The following CAND2 variants were observed in gnomAD, a reference collection of about 807,000 sequenced individuals.
CAND2 encodes cullin associated and neddylation dissociated 2 (putative), also known as cullin-associated NEDD8-dissociated protein 2.
Under a neutral mutation model 98.9 loss-of-function variants are expected in CAND2, and 62 were observed. The observed-to-expected ratio is 0.63, with a 90% CI of 0.51 to 0.77. CAND2 has a LOEUF of 0.77. Ranked by LOEUF, CAND2 falls within the 30% of genes least tolerant of loss-of-function variation. The probability of loss-of-function intolerance (pLI) is 0.00; values close to 1 mark genes in which losing one functional copy is unlikely to be tolerated. For missense variants in CAND2, 1,501 were observed against 1,655.2 expected, an observed-to-expected ratio of 0.91 and a Z score of 1.62; for synonymous variants, 770 against 731.9, an observed-to-expected ratio of 1.05 and a Z score of -0.84.
chr3:12,805,287 T>C (rs1301945522), intron 2 of CAND2, among the ~76,000 whole-genome samples: 4 of 150,866 alleles, frequency 2.7e-5, no homozygotes, highest in East Asian at 3.9e-4. Flanking sequence ...CTTTTTTTTT[T>C]CTTCTTTTTT....
At chr3:12,828,952 C>T (rs1171493714) in intron 13 of CAND2, among the ~76,000 whole-genome samples, 1 of 152,180 alleles carries the variant, frequency 6.6e-6, no homozygotes, top group Non-Finnish European at 1.5e-5. Context: ...ATTCATCCAT[C>T]GCTGGACAAA....
At chr3:12,831,720 T>C in intron 14 of CAND2, 148 bp downstream of exon 14, 1 of 596,114 alleles carries the variant, frequency 1.7e-6, no homozygotes, top group Non-Finnish European at 3.0e-6. Flanking sequence ...CCCTATAAAG[T>C]ACCTCTTATT....
intron 13 of CAND2, among the ~76,000 whole-genome samples, chr3:12,830,797 T>G (rs899800449): frequency 6.6e-6 from 1 of 152,156 alleles, no homozygotes; most frequent in Non-Finnish European, 1.5e-5. Context: ...GCTCCTGAAG[T>G]CCAGCACCGC....
chr3:12,813,019 G>T lies in CAND2; in HGVS notation c.787G>T (p.Val263Leu), dbSNP rs1033283620. 1.3e-6 allele frequency: 2 copies of T among 1,580,844 alleles called. No homozygotes were observed. Among genetic ancestry groups the T allele is most frequent in the African/African-American group, 2.7e-5 (2 of 74,692 alleles). ...GAHLDRLVPL[V>L]EDFCNLDDDE... Reference sequence around the variant, plus strand: ...TCACCTGGACCGCCTGGTGCCCCTGGTGGAGGATTTCTGCAACCTGGATGA... The same window carrying T: ...TCACCTGGACCGCCTGGTGCCCCTGTTGGAGGATTTCTGCAACCTGGATGA... Residue 263 changes from valine to leucine, a missense_variant, in exon 6 of 15, where the codon GTG becomes TTG. By Grantham distance (32) the Val-to-Leu change is conservative (BLOSUM62 1). This residue lies in a region of CAND2 where 1,427 missense variants were observed against 1,545.3 expected (regional missense o/e 0.92). Transcript: ENST00000456430.
chr3:12,832,172 C>CT (rs1479081467), intron 14 of CAND2: 2 of 152,192 alleles, frequency 1.3e-5, no homozygotes, highest in African/African-American at 4.8e-5. Context: ...TAGGTTGGCA[C>CT]TTAAAGAGGA....
In CAND2 at chr3:12,825,580, G is replaced by A; in HGVS notation, c.3151G>A (p.Asp1051Asn). The A allele has an allele frequency of 1.2e-6, 2 of 1,611,230 alleles. No individual in the cohort carries two copies. Among genetic ancestry groups the A allele is most frequent in the Non-Finnish European group, 1.7e-6 (2 of 1,178,944 alleles). Residue 1051 changes from aspartate (D) to asparagine (N), a missense_variant, in exon 12 of 15, where the codon GAT (aspartate) becomes AAT (asparagine). By Grantham distance (23) the Asp-to-Asn change is conservative. Coordinates refer to ENST00000456430, the MANE Select transcript of CAND2 (RefSeq NM_001162499.2). ...NKPSLVRDLL[D>N]DILPLLYQET... is the part of the protein sequence containing the mutation. ...GCCCTCGCTAGTCCGGGACCTGCTG[G>A]ATGACATCCTGCCCCTCCTCTACCA...
At chr3:12,825,212 T>C (rs2061989502) in intron 11 of CAND2, among the ~76,000 whole-genome samples, 1 of 152,052 alleles carries the variant, frequency 6.6e-6, no homozygotes, top group Admixed American at 6.6e-5. Flanking sequence ...ATTTTACAGA[T>C]GAGGACATTG....
chr3:12,825,314 G>T (rs890872380), intron 11 of CAND2, among the ~76,000 whole-genome samples, 156 bp from the exon 12 acceptor site: 2 of 152,104 alleles, frequency 1.3e-5, no homozygotes, highest in African/African-American at 4.8e-5. Flanking sequence ...TTGAAGGGTT[G>T]TTTGTGCCTG....
rs1430331171 is a variant in CAND2, at chr3:12,815,297, G to A, written c.1163G>A (p.Arg388His). ...APVLIRRFKE[R>H]EENVKADVFT... ...GTGCTCATCCGCCGCTTCAAAGAAC[G>A]CGAGGAGAACGTCAAGGCTGACGTC... Residue 388 changes from arginine (R) to histidine (H), a missense_variant, in exon 8 of 15, where the codon CGC becomes CAC. Physicochemically the swap from Arg to His is conservative, Grantham distance 29 (BLOSUM62 0). Transcript: ENST00000456430. The surrounding 1 kb of genome is among the most constrained non-coding windows in gnomAD (Gnocchi z 5.7). 19 of 1,613,858 alleles carry A rather than the reference G, an allele frequency of 1.2e-5. No homozygotes were observed. Among genetic ancestry groups the A allele is most frequent in the Non-Finnish European group, 1.4e-5 (17 of 1,180,048 alleles).
rs756563890 is a variant in CAND2, at chr3:12,820,100, C to T, written c.2959C>T (p.Arg987Trp). The change falls in exon 11 of 15, where the codon CGG (arginine) becomes TGG (tryptophan). Residue 987 changes from arginine (R) to tryptophan (W), a missense_variant. By Grantham distance (101) the Arg-to-Trp change is moderately radical. Coordinates refer to ENST00000456430, the MANE Select transcript of CAND2 (RefSeq NM_001162499.2). ...TTGTCCTGCAGGTCGGCCACACACC[C>T]GGAGCACCGTCATCACAGCGGTCAA... ...KQLAAGRPHT[R>W]STVITAVKFL... The T allele has an allele frequency of 2.8e-5, 45 of 1,614,026 alleles. No homozygotes were observed. Among genetic ancestry groups the T allele is most frequent in the Non-Finnish European group, 1.8e-5 (21 of 1,179,996 alleles).
chr3:12,802,284 G>T (rs192989647), intron 1 of CAND2, among the ~76,000 whole-genome samples: 5 of 152,324 alleles, frequency 3.3e-5, no homozygotes, highest in Admixed American at 3.3e-4. Context: ...CTGAGATCGT[G>T]CCACTGCACT....
In CAND2 at chr3:12,834,000, T is replaced by A. The variant is rs1192329996; in HGVS notation, c.*18T>A. On this transcript the variant is annotated 3_prime_UTR_variant, in exon 15 of 15. Transcript: ENST00000456430. ...TCAGCTAGTCCCCTCAGCACCAAGG[T>A]GGGCCCTCGCTTAAGAGAAAGGAGC... The A allele has an allele frequency of 3.7e-5, 60 of 1,605,828 alleles. No homozygotes were observed. The highest frequency in any genetic ancestry group is 5.0e-5 in the Non-Finnish European group (59 of 1,172,866).
chr3:12,816,263 T>G, intron 9 of CAND2, 111 bp from the exon 10 acceptor site: 1 of 1,107,388 alleles, frequency 9.0e-7, no homozygotes, highest in Non-Finnish European at 1.3e-6. Context: ...GCAGAAGAGT[T>G]TAGGTGCTTC....
rs1205696334 is a variant in CAND2 at position 12,816,413 on chromosome 3, C to T, written c.1481C>T (p.Thr494Ile). ...FSLADRSSSS[T>I]IRMDALAFLQ... Reference sequence around the variant, plus strand: ...CTGGCCGACCGCTCCAGCTCCTCCACCATCCGGATGGATGCCCTGGCCTTC... The same window carrying T: ...CTGGCCGACCGCTCCAGCTCCTCCATCATCCGGATGGATGCCCTGGCCTTC... Residue 494 changes from threonine to isoleucine, a missense_variant, in exon 10 of 15, where the codon ACC (threonine) becomes ATC (isoleucine). This residue lies in a region of CAND2 where 1,427 missense variants were observed against 1,545.3 expected (regional missense o/e 0.92). Coordinates refer to ENST00000456430, the MANE Select transcript of CAND2 (RefSeq NM_001162499.2). The T allele has an allele frequency of 2.5e-6, 4 of 1,613,522 alleles. No individual in the cohort carries two copies. The Admixed American group carries it at 6.7e-5, about 27-fold the overall frequency.
At chr3:12,830,190 C>T (rs2062041932) in intron 13 of CAND2, among the ~76,000 whole-genome samples, 1 of 152,196 alleles carries the variant, frequency 6.6e-6, no homozygotes, top group African/African-American at 2.4e-5. Context: ...TGCTTCCTGC[C>T]AACCCCCAAG....
rs117950380 is a variant in CAND2, at chr3:12,814,421, T to C, written c.1007-720T>C. ...TCTCACCCGCTCTGAGTCTTAGTCT[T>C]ATCGTCTGTAAAATGGAGCTTGGCA... On this transcript the variant is annotated intron_variant, in intron 7 of 14. Transcript: ENST00000456430. Among the ~76,000 whole-genome samples the C allele has an allele frequency of 1.2e-4, 18 of 152,320 alleles. No homozygotes were observed. The East Asian group carries it at 3.1e-3, about 26-fold the overall frequency.
intron 5 of CAND2, among the ~76,000 whole-genome samples, chr3:12,812,221 C>CCTTTTTTTTTTT (rs2061857093): frequency 2.7e-5 from 2 of 74,514 alleles, no homozygotes; most frequent in African/African-American, 1.2e-4. Flanking sequence ...AGCTGTTTAT[C>CCTTTTTTTTTTT]TTTTTTTTTT....
chr3:12,823,601 C>T (rs1575779082), intron 11 of CAND2, among the ~76,000 whole-genome samples: 1 of 152,148 alleles, frequency 6.6e-6, no homozygotes, highest in Non-Finnish European at 1.5e-5. Context: ...TGCTGGCGGG[C>T]GCCTGTAGTC....
At chr3:12,817,899 G>A (rs1441903757) in intron 10 of CAND2, 23 bp downstream of exon 10, 3 of 1,487,858 alleles carry the variant, frequency 2.0e-6, no homozygotes, top group Non-Finnish European at 2.7e-6. Flanking sequence ...GTGTGGGCAA[G>A]GCAGCCCACC....
Sources: allele counts gnomAD v4.1 joint callset (sites outside exome capture counted in the v4.1 genomes callset), GRCh38; gene constraint gnomAD v4.1.1; regional missense constraint gnomAD v4.1.1; non-coding constraint Gnocchi (gnomAD v3.1); transcripts MANE v1.5; gene names NCBI Gene and HGNC (gene_info 2026-07-23, HGNC 2026-07-21).